The following DIP2C variants were observed in gnomAD, a reference collection of about 807,000 sequenced individuals.
The protein encoded by DIP2C is disco-interacting protein 2 homolog C.
A neutral mutation model predicts 192.4 loss-of-function variants in DIP2C; 33 were observed. The ratio of observed to expected loss-of-function variants is 0.17; its 90% CI spans 0.13 to 0.23. The LOEUF is 0.23. Among genes scored for constraint, DIP2C ranks in the 10% least tolerant of loss-of-function variants. DIP2C has a pLI of 1.00. For missense variants in DIP2C, 1,537 were observed against 2,110.1 expected (o/e 0.73, Z 5.32); for synonymous variants, 979 against 864.1 (o/e 1.13, Z -2.33).
chr10:655,545 C>T (rs184500740), intron 1 of DIP2C, among the ~76,000 whole-genome samples: 48 of 152,252 alleles, frequency 3.2e-4, no homozygotes, highest in African/African-American at 1.1e-3. Flanking sequence ...TCTGCTATTC[C>T]ACACTATGCT....
chr10:391,859 T>C (rs1478493136), intron 10 of DIP2C, among the ~76,000 whole-genome samples: 1 of 152,094 alleles, frequency 6.6e-6, no homozygotes, highest in Non-Finnish European at 1.5e-5. Context: ...AGCTGAAGAG[T>C]GGTGTTTTCA....
At chr10:580,828 C>T (rs192127807) in intron 1 of DIP2C, among the ~76,000 whole-genome samples, 11 of 152,232 alleles carry the variant, frequency 7.2e-5, no homozygotes, top group Non-Finnish European at 1.3e-4. Context: ...GTGAGAAGGG[C>T]GCAACCACTT....
intron 13 of DIP2C, among the ~76,000 whole-genome samples, 183 bp from the exon 14 acceptor site, chr10:387,992 A>T (rs1253101970): frequency 6.6e-6 from 1 of 152,192 alleles, no homozygotes; most frequent in Non-Finnish European, 1.5e-5. Context: ...GCCACCCTGG[A>T]GTTTCTCGAC....
At chr10:408,842 G>C (rs1014297661) in intron 9 of DIP2C, 84 bp downstream of exon 9, 2 of 1,374,078 alleles carry the variant, frequency 1.5e-6, no homozygotes, top group Non-Finnish European at 2.0e-6. Flanking sequence ...AGGTGGCGCT[G>C]AACTCTGTAA....
chr10:532,752 GGT>G (rs200996246), intron 1 of DIP2C, among the ~76,000 whole-genome samples: 1 of 132,428 alleles, frequency 7.6e-6, no homozygotes, highest in Non-Finnish European at 1.8e-5. Flanking sequence ...AGAGAGTATG[GGT>G]GTGTGAGAGA....
intron 1 of DIP2C, chr10:649,850 G>T: frequency 2.0e-6 from 1 of 504,716 alleles, no homozygotes; most frequent in Non-Finnish European, 3.5e-6. Flanking sequence ...TTTGCAGTAA[G>T]AGAAGCATGC....
chr10:578,323 A>G (rs566294340), intron 1 of DIP2C, among the ~76,000 whole-genome samples: 2 of 152,350 alleles, frequency 1.3e-5, no homozygotes, highest in South Asian at 2.1e-4. Flanking sequence ...AATAAAGAAC[A>G]GTAGAAAATG....
At chr10:583,411 T>C (rs1307266974) in intron 1 of DIP2C, among the ~76,000 whole-genome samples, 2 of 152,252 alleles carry the variant, frequency 1.3e-5, no homozygotes, top group South Asian at 2.1e-4. Flanking sequence ...CAATTCATTA[T>C]CCTACATAAG....
intron 1 of DIP2C, among the ~76,000 whole-genome samples, chr10:537,030 C>T (rs1351353891): frequency 6.6e-6 from 1 of 152,232 alleles, no homozygotes; most frequent in African/African-American, 2.4e-5. Context: ...TCCTGCATCT[C>T]ACCCCAGGCT....
intron 3 of DIP2C, among the ~76,000 whole-genome samples, chr10:450,309 G>C (rs1041330236): frequency 2.0e-5 from 3 of 152,188 alleles, no homozygotes; most frequent in Non-Finnish European, 4.4e-5. Context: ...CCCGACACAA[G>C]AGAGGTCCCA....
intron 8 of DIP2C, among the ~76,000 whole-genome samples, chr10:410,293 G>A (rs527690751): frequency 3.9e-5 from 6 of 152,276 alleles, no homozygotes; most frequent in Admixed American, 6.5e-5. Flanking sequence ...TACTGATGTC[G>A]CAGGCAAGCT....
chr10:283,244 G>C, intron 35 of DIP2C, 28 bp downstream of exon 35: 2 of 1,443,738 alleles, frequency 1.4e-6, no homozygotes, highest in African/African-American at 3.0e-5. Context: ...CCATCTGTTG[G>C]GGGGGGGCCG....
intron 1 of DIP2C, among the ~76,000 whole-genome samples, chr10:593,716 T>C (rs1851538270): frequency 6.6e-6 from 1 of 152,084 alleles, no homozygotes. Flanking sequence ...ACACAGCAAG[T>C]GCTGAAGAAA....
chr10:451,478 CTCTT>C (rs1410949099), intron 3 of DIP2C, among the ~76,000 whole-genome samples: 12 of 152,180 alleles, frequency 7.9e-5, no homozygotes, highest in South Asian at 4.1e-4. Flanking sequence ...GTTTTACAGC[CTCTT>C]TCTATGTGGT....
intron 36 of DIP2C, among the ~76,000 whole-genome samples, chr10:279,081 G>C (rs1026403063): frequency 1.3e-5 from 2 of 152,164 alleles, no homozygotes; most frequent in Admixed American, 6.5e-5. Context: ...TAAATTGAAA[G>C]GGAAAATTGG....
chr10:674,928 A>G (rs931588496), intron 1 of DIP2C, among the ~76,000 whole-genome samples: 8 of 151,970 alleles, frequency 5.3e-5, no homozygotes, highest in African/African-American at 1.9e-4. Flanking sequence ...AAAGTACAGT[A>G]TAGACCAAAT....
Position 344,908 on chromosome 10 carries a change from T to A in DIP2C, c.3354A>T (p.Pro1118=), listed in dbSNP as rs768776258. The change falls in exon 28 of 37, where the codon CCA becomes CCT. Residue 1118 remains proline (P), a synonymous_variant. Transcript: ENST00000280886. ...WPLILDTDDL[P]KKRPAQICKP... is the part of the protein sequence containing the mutation. ...TGCAGATCTGGGCAGGCCGCTTCTT[T>A]GGCAAATCATCTGGAGAGGAACATG... 20 of 1,606,764 alleles carry A rather than the reference T, an allele frequency of 1.2e-5. 1 individual carries two copies. Among genetic ancestry groups the A allele is most frequent in the Non-Finnish European group, 1.1e-5 (13 of 1,177,514 alleles).
chr10:329,638 AGCAAGGCTGGAG>A (rs1957415355), intron 29 of DIP2C, 37 bp from the exon 30 acceptor site: 11 of 433,716 alleles, frequency 2.5e-5, no homozygotes, highest in African/African-American at 2.1e-4. Context: ...GCGGGAGCTC[AGCAAGGCTGGAG>A]CTCAGCAAGG....
At chr10:285,153 CAAAAAAAAA>C (rs34031685) in intron 34 of DIP2C, among the ~76,000 whole-genome samples, 2 of 124,568 alleles carry the variant, frequency 1.6e-5, no homozygotes, top group Non-Finnish European at 3.3e-5. Flanking sequence ...AGTGAGGGGC[CAAAAAAAAA>C]AAAAAAAAAC....
Sources: gnomAD v4.1 joint callset for allele counts (sites outside exome capture counted in the v4.1 genomes callset) on GRCh38, gnomAD v4.1.1 for gene constraint, MANE v1.5 for transcripts, NCBI Gene and HGNC (gene_info 2026-07-23, HGNC 2026-07-21) for gene names.